The following NEDD4 variants were observed in gnomAD, a reference collection of about 807,000 sequenced individuals.
NEDD4 encodes E3 ubiquitin-protein ligase NEDD4.
NEDD4 carries 99 observed loss-of-function variants against 144.9 expected under a neutral mutation model. The observed-to-expected ratio is 0.68, with a 90% CI of 0.58 to 0.81. The LOEUF is 0.81. Among genes scored for constraint, NEDD4 ranks in the 30% least tolerant of loss-of-function variants. The pLI is 0.00. For missense variants in NEDD4, 985 were observed against 1,065.9 expected (o/e 0.92, Z 1.06); for synonymous variants, 318 against 350.6 (o/e 0.91, Z 1.04).
intron 3 of NEDD4, 43 bp downstream of exon 3, chr15:55,951,468 A>G: frequency 1.4e-6 from 2 of 1,422,300 alleles, no homozygotes; most frequent in Non-Finnish European, 1.9e-6. Flanking sequence ...TATAAAAATA[A>G]AACAAAGTAC....
chr15:55,896,732 T>A (rs1693849918), intron 5 of NEDD4, among the ~76,000 whole-genome samples: 1 of 152,128 alleles, frequency 6.6e-6, no homozygotes, highest in South Asian at 2.1e-4. Context: ...CAAATATGCA[T>A]ATATAATTAA....
rs554209726 is a variant in NEDD4, at chr15:55,894,095, TAAAGCAAGCA to T, written c.292-20097_292-20088del. Among the ~76,000 whole-genome samples the T allele has an allele frequency of 6.5e-3, 996 of 152,266 alleles. 4 individuals carry two copies. The highest frequency in any genetic ancestry group is 9.7e-3 in the Non-Finnish European group (657 of 68,014). ...GCTTTGGAAACTGGATATCTTTGCA[TAAAGCAAGCA>T]TTCCATGTCTTAAGTTTGTGATTTG... On this transcript the variant is annotated intron_variant, in intron 5 of 28. Transcript: ENST00000435532.
intron 5 of NEDD4, among the ~76,000 whole-genome samples, chr15:55,914,954 G>A (rs2036387490): frequency 6.6e-6 from 1 of 152,112 alleles, no homozygotes; most frequent in Non-Finnish European, 1.5e-5. Context: ...GGAAAAATAT[G>A]CCAAGATAAA....
chr15:55,874,780 C>T (rs1049859298), intron 5 of NEDD4, among the ~76,000 whole-genome samples: 7 of 152,098 alleles, frequency 4.6e-5, no homozygotes, highest in Non-Finnish European at 1.0e-4. Context: ...TAGAGACCAG[C>T]CTGACCAACA....
chr15:55,891,149 A>C (rs1244196613), intron 5 of NEDD4, among the ~76,000 whole-genome samples: 1 of 152,200 alleles, frequency 6.6e-6, no homozygotes, highest in Non-Finnish European at 1.5e-5. Flanking sequence ...CTACATTTTA[A>C]ATATTTCTTG....
intron 5 of NEDD4, among the ~76,000 whole-genome samples, chr15:55,878,271 TAA>T (rs1165820169): frequency 1.3e-5 from 2 of 152,004 alleles, no homozygotes; most frequent in African/African-American, 4.8e-5. Context: ...TTCATAATAA[TAA>T]AGAGATCAAT....
chr15:55,918,426 C>T (rs2036505793), intron 5 of NEDD4, among the ~76,000 whole-genome samples: 2 of 152,096 alleles, frequency 1.3e-5, no homozygotes, highest in South Asian at 4.1e-4. Flanking sequence ...ATAGCTGGAA[C>T]TCCAGTAATA....
intron 13 of NEDD4, among the ~76,000 whole-genome samples, chr15:55,851,634 G>A (rs2033986286): frequency 2.0e-5 from 3 of 151,826 alleles, no homozygotes; most frequent in Admixed American, 6.6e-5. Flanking sequence ...GCGCCACCAC[G>A]CCTGGCTAAT....
intron 21 of NEDD4, among the ~76,000 whole-genome samples, chr15:55,839,943 C>T (rs548014067): frequency 8.3e-6 from 1 of 119,878 alleles, no homozygotes; most frequent in Admixed American, 1.1e-4. Flanking sequence ...CCACTGCACT[C>T]CAGCTTGGCA....
chr15:55,923,071 C>T (rs1044576738), intron 5 of NEDD4, among the ~76,000 whole-genome samples: 9 of 151,820 alleles, frequency 5.9e-5, no homozygotes, highest in Admixed American at 4.6e-4. Context: ...GTAATCCCAG[C>T]TACTTGGAAG....
rs112723169 is a variant in NEDD4 at position 55,950,814 on chromosome 15, A to T, written c.237+562T>A. 4.6e-5 allele frequency among the ~76,000 whole-genome samples: 7 copies of T among 152,292 alleles called. 1 individual carries two copies. Among genetic ancestry groups the T allele is most frequent in the African/African-American group, 1.7e-4 (7 of 41,568 alleles). ...AGTGGGAATAATCCAGAGAGGGGAA[A>T]TTCCTAAAATGCATCTCTACCACTG... On this transcript the variant is annotated intron_variant, in intron 4 of 28. Coordinates refer to ENST00000435532, the MANE Select transcript of NEDD4 (RefSeq NM_006154.4).
intron 1 of NEDD4, chr15:55,992,082 G>C (rs1430467269): frequency 2.0e-5 from 3 of 152,200 alleles, no homozygotes; most frequent in Admixed American, 2.0e-4. Context: ...AACTGCACTG[G>C]GCAGTCTACG....
chr15:55,852,639 C>T, intron 12 of NEDD4, 96 bp from the exon 13 acceptor site: 34 of 974,740 alleles, frequency 3.5e-5, no homozygotes, highest in Non-Finnish European at 4.6e-5. Flanking sequence ...CTACTCTCAG[C>T]CCCAAGCAAC....
At chr15:55,881,351 G>A (rs1172368545) in intron 5 of NEDD4, among the ~76,000 whole-genome samples, 4 of 151,966 alleles carry the variant, frequency 2.6e-5, no homozygotes, top group Non-Finnish European at 5.9e-5. Context: ...ATGTTGGCCA[G>A]GCTGGTCTTG....
intron 5 of NEDD4, among the ~76,000 whole-genome samples, chr15:55,911,688 C>G (rs1287316695): frequency 2.0e-5 from 3 of 151,960 alleles, no homozygotes; most frequent in African/African-American, 7.3e-5. Flanking sequence ...CGCCACCATG[C>G]CCGGCTAATT....
chr15:55,860,886 A>T lies in NEDD4; in HGVS notation c.675-108T>A, dbSNP rs1354683449. On this transcript the variant is annotated intron_variant, in intron 9 of 28. Coordinates refer to ENST00000435532, the MANE Select transcript of NEDD4 (RefSeq NM_006154.4). ...AAATCTACATTACATCAATAAAAAA[A>T]TTTATTGTCTTTGACCAAAGGCTAT... The T allele has an allele frequency of 8.5e-6, 8 of 945,282 alleles. No individual in the cohort carries two copies. The East Asian group carries it at 1.7e-4, about 20-fold the overall frequency. The allele number at this position is 945,282 out of a possible 1,614,324, so 58.6% of individuals were successfully genotyped here. A position where few individuals can be genotyped will look rare whatever the true frequency, so the allele number is the denominator to read the frequency against.
intron 6 of NEDD4, among the ~76,000 whole-genome samples, chr15:55,873,072 C>T (rs1193451395): frequency 6.6e-6 from 1 of 152,182 alleles, no homozygotes; most frequent in Non-Finnish European, 1.5e-5. Context: ...TTGTTAACTA[C>T]CCAGTCTGCC....
At chr15:55,877,000 C>T (rs987002107) in intron 5 of NEDD4, among the ~76,000 whole-genome samples, 3 of 151,892 alleles carry the variant, frequency 2.0e-5, no homozygotes, top group African/African-American at 7.3e-5. Context: ...CCACTGTGCC[C>T]AGCCAACTTC....
intron 4 of NEDD4, among the ~76,000 whole-genome samples, chr15:55,931,134 T>C (rs1157562620): frequency 2.0e-5 from 3 of 152,276 alleles, no homozygotes; most frequent in South Asian, 2.1e-4. Context: ...CAAAATACAA[T>C]TGTAAAAGAT....
Sources: allele counts gnomAD v4.1 joint callset (sites outside exome capture counted in the v4.1 genomes callset), GRCh38; gene constraint gnomAD v4.1.1; transcripts MANE v1.5; gene names NCBI Gene and HGNC (gene_info 2026-07-23, HGNC 2026-07-21).